Variants in SLC9A8 observed in about 807,000 individuals in gnomAD.
SLC9A8 encodes solute carrier family 9 member A8.
Under a neutral mutation model 66.6 loss-of-function variants are expected in SLC9A8, and 48 were observed. The observed-to-expected ratio is 0.72, with a 90% CI of 0.57 to 0.92. The LOEUF is 0.92. Among genes scored for constraint, SLC9A8 ranks in the 40% least tolerant of loss-of-function variants. SLC9A8 has a pLI of 0.00. For synonymous variants in SLC9A8, 274 were observed against 282.6 expected (o/e 0.97, Z 0.31); for missense variants, 599 against 747.3 (o/e 0.80, Z 2.31).
chr20:49,813,578 A>T (rs1600607529), intron 1 of SLC9A8, among the ~76,000 whole-genome samples: 1 of 152,190 alleles, frequency 6.6e-6, no homozygotes, highest in Admixed American at 6.5e-5. Flanking sequence ...TGTGGGAGTT[A>T]TTTATATCCT....
At chr20:49,865,907 AG>A (rs1373487531) in intron 10 of SLC9A8, among the ~76,000 whole-genome samples, 1 of 152,246 alleles carries the variant, frequency 6.6e-6, no homozygotes, top group Non-Finnish European at 1.5e-5. Context: ...GCACTATTGC[AG>A]GGATGTTTTG....
intron 2 of SLC9A8, among the ~76,000 whole-genome samples, chr20:49,817,256 G>T (rs898051122): frequency 6.6e-6 from 1 of 151,886 alleles, no homozygotes; most frequent in Non-Finnish European, 1.5e-5. Context: ...GGCAGAGGTT[G>T]CAGTAAGCCG....
chr20:49,835,525 C>T (rs185304378), intron 3 of SLC9A8, among the ~76,000 whole-genome samples: 83 of 152,152 alleles, frequency 5.5e-4, no homozygotes, highest in African/African-American at 1.8e-3. Flanking sequence ...ACATTTCTCC[C>T]TTCTCCCATC....
At chr20:49,813,799 C>T (rs2086447884) in intron 1 of SLC9A8, among the ~76,000 whole-genome samples, 1 of 152,126 alleles carries the variant, frequency 6.6e-6, no homozygotes. Flanking sequence ...AGGCCTGGCT[C>T]AAGAAAGAGT....
At chr20:49,830,932 C>A in intron 3 of SLC9A8, 2 of 843,362 alleles carry the variant, frequency 2.4e-6, no homozygotes, top group South Asian at 2.6e-5. Flanking sequence ...TACTGAAATA[C>A]ATGCAGAAGG....
In SLC9A8 at chr20:49,855,584, A is replaced by G. The variant is rs111953825; in HGVS notation, c.713+3A>G. On this transcript the variant is annotated splice_donor_region_variant and intron_variant, in intron 8 of 15. Coordinates refer to ENST00000361573, the MANE Select transcript of SLC9A8 (RefSeq NM_015266.3). The stretch of plus-strand genomic sequence containing the variant: ...GCAGTCTCCATTGTTCTGACCAAGT[A>G]AGTACGGGGGCAGAGAACAGACTTT... 4,266 of 1,613,864 alleles carry G rather than the reference A, an allele frequency of 2.6e-3. 59 individuals are homozygous for G. The African/African-American group carries it at 0.035, about 13-fold the overall frequency.
chr20:49,852,543 T>A (rs1214708707), intron 7 of SLC9A8, among the ~76,000 whole-genome samples: 2 of 152,242 alleles, frequency 1.3e-5, no homozygotes, highest in Non-Finnish European at 2.9e-5. Context: ...CTGAATTATT[T>A]CGCTGCCTTA....
intron 15 of SLC9A8, among the ~76,000 whole-genome samples, chr20:49,887,205 C>G (rs1464343562): frequency 6.6e-6 from 1 of 152,174 alleles, no homozygotes; most frequent in Non-Finnish European, 1.5e-5. Context: ...TCAGACATAC[C>G]AGGGCCTCAA....
chr20:49,813,361 C>T (rs1326247019), intron 1 of SLC9A8, among the ~76,000 whole-genome samples: 1 of 152,216 alleles, frequency 6.6e-6, no homozygotes, highest in Non-Finnish European at 1.5e-5. Flanking sequence ...CTTTCTCCTT[C>T]ACTAAGTTTC....
Position 49,883,948 on chromosome 20 carries a change from T to C in SLC9A8, c.1373T>C (p.Phe458Ser). 1 of 1,613,068 alleles carries C rather than the reference T, an allele frequency of 6.2e-7. No individual in the cohort carries two copies. Among genetic ancestry groups the C allele is most frequent in the Non-Finnish European group, 8.5e-7 (1 of 1,179,966 alleles). ...ACCACCACCATCGTCATCGTGCTCT[T>C]CACCATCCTGCTGCTGGGCGGCAGC... ...IGTTTIVIVL[F>S]TILLLGGSTM... The change falls in exon 14 of 16, where the codon TTC becomes TCC. Residue 458 changes from phenylalanine (F) to serine (S), a missense_variant. Physicochemically the swap from Phe to Ser is radical, Grantham distance 155. Around this residue, in one of 2 missense-constraint regions of SLC9A8, gnomAD observed 467 missense variants for 626.5 expected, o/e 0.75. Transcript: ENST00000361573.
Position 49,855,441 on chromosome 20 carries a change from T to A in SLC9A8, c.573T>A (p.Phe191Leu), listed in dbSNP as rs138424928. 1 of 1,614,038 alleles carries A rather than the reference T, an allele frequency of 6.2e-7. No individual in the cohort carries two copies. The highest frequency in any genetic ancestry group is 8.5e-7 in the Non-Finnish European group (1 of 1,179,998). The change falls in exon 8 of 16, where the codon TTT (phenylalanine) becomes TTA (leucine). Residue 191 changes from phenylalanine (F) to leucine (L), a missense_variant. Transcript: ENST00000361573. ...VISKLNMTDS[F>L]AFGSLISAVD... ...CCCTTCCCTCTGTCTCTTACAGTTT[T>A]GCGTTTGGCTCCCTAATATCTGCTG...
At chr20:49,846,209 TTTCCTTG>T (rs2087983118) in intron 5 of SLC9A8, among the ~76,000 whole-genome samples, 1 of 152,192 alleles carries the variant, frequency 6.6e-6, no homozygotes, top group South Asian at 2.1e-4. Context: ...TGCATGGTTT[TTTCCTTG>T]TCTGTGAGTT....
chr20:49,823,000 G>T, intron 2 of SLC9A8, 61 bp from the exon 3 acceptor site: 1 of 1,351,076 alleles, frequency 7.4e-7, no homozygotes, highest in African/African-American at 1.4e-5. Flanking sequence ...CTTGAACTTG[G>T]TGTTTATCAT....
chr20:49,874,873 G>A (rs375859647), intron 11 of SLC9A8, 52 bp downstream of exon 11: 672 of 1,244,560 alleles, frequency 5.4e-4, no homozygotes, highest in Non-Finnish European at 7.0e-4. Flanking sequence ...AGCTGATCTT[G>A]CTTCCTTATC....
rs375515621 is a variant in SLC9A8 at position 49,823,093 on chromosome 20, C to G, written c.241C>G (p.Arg81Gly). ...CATCATATTGGTGCATTTACTGATC[C>G]GATACAGATTACATTTCTTGCCAGA... ...ICIILVHLLI[R>G]YRLHFLPESV... Residue 81 changes from arginine (R) to glycine (G), a missense_variant, in exon 3 of 16, where the codon CGA becomes GGA. Physicochemically the swap from Arg to Gly is moderately radical, Grantham distance 125. Coordinates refer to ENST00000361573, the MANE Select transcript of SLC9A8 (RefSeq NM_015266.3). 1 of 1,612,332 alleles carries G rather than the reference C, an allele frequency of 6.2e-7. No individual in the cohort carries two copies.
chr20:49,875,523 T>G (rs1033879559), intron 11 of SLC9A8, among the ~76,000 whole-genome samples: 5 of 152,180 alleles, frequency 3.3e-5, no homozygotes, highest in Admixed American at 1.3e-4. Flanking sequence ...TGTCATTTGT[T>G]GGGCTGGGAT....
At chr20:49,849,784 ACCCTT>A in intron 6 of SLC9A8, 104 bp downstream of exon 6, 1 of 867,080 alleles carries the variant, frequency 1.2e-6, no homozygotes, top group Non-Finnish European at 1.9e-6. Context: ...CCTGGGTTTC[ACCCTT>A]AAGGTAAATT....
At chr20:49,877,428 A>T (rs867093786) in intron 11 of SLC9A8, among the ~76,000 whole-genome samples, 9 of 152,178 alleles carry the variant, frequency 5.9e-5, no homozygotes, top group African/African-American at 1.4e-4. Flanking sequence ...TGTGTGACAG[A>T]GAGTAAATAT....
chr20:49,886,992 G>A lies in SLC9A8; in HGVS notation c.1638+94G>A. ...CAGGGTGGGGTGGAGGAAGAGTGGG[G>A]AGGCAGGAAAGCTCACGTGGGCCCG... On this transcript the variant is annotated intron_variant, in intron 15 of 15. Transcript: ENST00000361573. This position sits in a 1 kb window ranked among gnomAD's most constrained non-coding sequence, Gnocchi z 4.8. The A allele has an allele frequency of 1.4e-6, 2 of 1,433,956 alleles. No individual in the cohort carries two copies. The highest frequency in any genetic ancestry group is 2.4e-5 in the East Asian group (1 of 42,198). The allele number at this position is 1,433,956 out of a possible 1,614,324, so 88.8% of individuals were successfully genotyped here.
Sources: gnomAD v4.1 joint callset for allele counts (sites outside exome capture counted in the v4.1 genomes callset) on GRCh38, gnomAD v4.1.1 for gene constraint, gnomAD v4.1.1 regional missense constraint, Gnocchi (gnomAD v3.1) non-coding constraint, MANE v1.5 for transcripts, NCBI Gene and HGNC (gene_info 2026-07-23, HGNC 2026-07-21) for gene names.